The following NDEL1 variants were observed in gnomAD, a reference collection of about 807,000 sequenced individuals.
The protein encoded by NDEL1 is nudE neurodevelopment protein 1 like 1, also known as nuclear distribution protein nudE-like 1.
Under a neutral mutation model 45.7 loss-of-function variants are expected in NDEL1, and 9 were observed. That is an observed-to-expected ratio of 0.20 (90% CI 0.12 to 0.34). NDEL1 has a LOEUF of 0.34. Among genes scored for constraint, NDEL1 ranks in the 10% least tolerant of loss-of-function variants. NDEL1 has a pLI of 1.00. For synonymous variants in NDEL1, 133 were observed against 158.6 expected, an observed-to-expected ratio of 0.84 and a Z score of 1.21; for missense variants, 306 against 406.2, an observed-to-expected ratio of 0.75 and a Z score of 2.12.
chr17:8,416,467 T>G (rs968840669), intron 1 of NDEL1, among the ~76,000 whole-genome samples: 2 of 152,202 alleles, frequency 1.3e-5, no homozygotes, highest in African/African-American at 4.8e-5. Context: ...TTGGAAATGA[T>G]TTTTTTCTCT....
chr17:8,449,390 A>G (rs548555102), intron 5 of NDEL1, among the ~76,000 whole-genome samples: 1 of 152,282 alleles, frequency 6.6e-6, no homozygotes, highest in South Asian at 2.1e-4. Context: ...CTGTCTCCCA[A>G]AATGTTGGGA....
chr17:8,473,176 A>G (rs1911929143), intron 3 of NDEL1, among the ~76,000 whole-genome samples: 1 of 151,958 alleles, frequency 6.6e-6, no homozygotes, highest in Non-Finnish European at 1.5e-5. Flanking sequence ...TAGATCAGCC[A>G]GTAGGGAAGA....
downstream of NDEL1, among the ~76,000 whole-genome samples, chr17:8,471,900 C>G (rs1252295866): frequency 6.6e-6 from 1 of 152,154 alleles, no homozygotes; most frequent in Non-Finnish European, 1.5e-5. Flanking sequence ...GATGTTGTCC[C>G]CGAAAGGTGG....
chr17:8,463,405 G>C (rs368969870), intron 8 of NDEL1: 1 of 1,569,896 alleles, frequency 6.4e-7, no homozygotes, highest in African/African-American at 1.4e-5. Context: ...TAATCCTGGT[G>C]TGTGGTGGAA....
At chr17:8,450,755 T>C in intron 5 of NDEL1, 25 bp from the exon 6 acceptor site, 2 of 1,595,298 alleles carry the variant, frequency 1.3e-6, no homozygotes, top group Non-Finnish European at 1.7e-6. Context: ...TGAGTATTCC[T>C]GCCCTTGTTT....
chr17:8,417,429 T>C (rs1908570986), intron 1 of NDEL1, among the ~76,000 whole-genome samples: 1 of 152,252 alleles, frequency 6.6e-6, no homozygotes, highest in Admixed American at 6.5e-5. Context: ...ATTTCTTTTA[T>C]GCTATTTTGT....
intron 1 of NDEL1, 171 bp from the exon 2 acceptor site, chr17:8,444,089 G>C: frequency 1.9e-6 from 1 of 531,284 alleles, no homozygotes; most frequent in Non-Finnish European, 3.3e-6. Context: ...GTCCCTGAGA[G>C]TGGAGCAGTG....
At chr17:8,439,004 C>G (rs1382220926) in intron 1 of NDEL1, among the ~76,000 whole-genome samples, 1 of 149,542 alleles carries the variant, frequency 6.7e-6, no homozygotes, top group Non-Finnish European at 1.5e-5. Context: ...TGCGGTCGCG[C>G]GCTCTCGGCT....
At chr17:8,430,615 T>G (rs1908977124) in intron 1 of NDEL1, among the ~76,000 whole-genome samples, 1 of 152,148 alleles carries the variant, frequency 6.6e-6, no homozygotes, top group African/African-American at 2.4e-5. Flanking sequence ...TCATGCATGC[T>G]CTCAGGGACT....
intron 1 of NDEL1, among the ~76,000 whole-genome samples, chr17:8,442,740 TC>T (rs1182921244): frequency 6.7e-6 from 1 of 148,878 alleles, no homozygotes; most frequent in Non-Finnish European, 1.5e-5. Context: ...CTAGATAAAC[TC>T]CAAGTTCTAT....
chr17:8,446,505 G>A (rs907894564), intron 3 of NDEL1, among the ~76,000 whole-genome samples: 1 of 152,304 alleles, frequency 6.6e-6, no homozygotes, highest in South Asian at 2.1e-4. Context: ...TTGAGGCAAG[G>A]ATTTTTTATA....
chr17:8,432,351 TAA>T (rs372723928), upstream of NDEL1, among the ~76,000 whole-genome samples: 72,089 of 121,290 alleles, frequency 0.59, 24,993 homozygotes, highest in Admixed American at 0.71. Flanking sequence ...TATATAAATA[TAA>T]ATATAAATAT....
chr17:8,470,753 TC>T (rs1298657390), downstream of NDEL1, among the ~76,000 whole-genome samples: 1 of 152,214 alleles, frequency 6.6e-6, no homozygotes, highest in Non-Finnish European at 1.5e-5. The surrounding 1 kb of genome is among the most constrained non-coding windows in gnomAD (Gnocchi z 4.2). Context: ...CCACGCTCTG[TC>T]CTGTGCCTTG....
Position 8,435,893 on chromosome 17 carries a change from C to A in NDEL1, c.-165C>A, listed in dbSNP as rs762701865. The A allele has an allele frequency of 3.6e-5, 16 of 447,548 alleles. 1 individual carries two copies. Among genetic ancestry groups the A allele is most frequent in the South Asian group, 2.3e-4 (15 of 64,222 alleles). The allele number at this position is 447,548 out of a possible 1,614,324, so 27.7% of individuals were successfully genotyped here. On this transcript the variant is annotated 5_prime_UTR_variant, in exon 1 of 9. Transcript: ENST00000334527. ...CCTCGGACACCCAGGCAGTCCCTGACGTGTCGGGGAGGAGCCGGGCGCGGA... is the reference window on the plus strand; with the variant it reads ...CCTCGGACACCCAGGCAGTCCCTGAAGTGTCGGGGAGGAGCCGGGCGCGGA...
At chr17:8,471,770 T>A (rs1911838606), downstream of NDEL1, among the ~76,000 whole-genome samples, 1 of 152,236 alleles carries the variant, frequency 6.6e-6, no homozygotes. Context: ...CTTCACAATC[T>A]GCTTGATTCC....
intron 8 of NDEL1, chr17:8,463,280 T>G (rs752773963): frequency 1.3e-6 from 2 of 1,543,332 alleles, no homozygotes; most frequent in Non-Finnish European, 1.8e-6. Flanking sequence ...GGAAATAGTA[T>G]TCGTATTACT....
Position 8,435,939 on chromosome 17 carries a change from G to C in NDEL1, c.-119G>C, listed in dbSNP as rs1248023570. On this transcript the variant is annotated 5_prime_UTR_variant, in exon 1 of 9. Transcript: ENST00000334527. ...GCGGAGGTACGCTGAGTGGAGCTCGGGGCTGCGTAGGGGAGCTGAGCCGAG... is the reference window on the plus strand; with the variant it reads ...GCGGAGGTACGCTGAGTGGAGCTCGCGGCTGCGTAGGGGAGCTGAGCCGAG... 4.5e-6 allele frequency: 2 copies of C among 449,240 alleles called. No homozygotes were observed. The highest frequency in any genetic ancestry group is 1.6e-5 in the South Asian group (1 of 64,080). 27.8% of individuals were successfully genotyped at this position (449,240 alleles called of 1,614,324 possible). A position where few individuals can be genotyped will look rare whatever the true frequency, so the allele number is the denominator to read the frequency against.
At position 8,435,967 on chromosome 17, in the gene NDEL1, G is replaced by A; in HGVS notation, c.-91G>A. The A allele has an allele frequency of 2.2e-6, 1 of 446,662 alleles. No homozygotes were observed. The highest frequency in any genetic ancestry group is 1.6e-5 in the South Asian group (1 of 63,754). 27.7% of individuals were successfully genotyped at this position (446,662 alleles called of 1,614,324 possible). ...CTGCGTAGGGGAGCTGAGCCGAGCG[G>A]CTGGGCGGGCCTGGCCGGGCCGGCG... is the stretch of plus-strand genomic sequence containing the variant. On this transcript the variant is annotated 5_prime_UTR_variant, in exon 1 of 9. Transcript: ENST00000334527.
At chr17:8,446,398 G>A (rs1290715005) in intron 3 of NDEL1, among the ~76,000 whole-genome samples, 10 of 152,142 alleles carry the variant, frequency 6.6e-5, no homozygotes, top group African/African-American at 2.4e-4. Flanking sequence ...GGGAAGGTTG[G>A]ATGGGCAGGT....
Sources: allele counts gnomAD v4.1 joint callset (sites outside exome capture counted in the v4.1 genomes callset), GRCh38; gene constraint gnomAD v4.1.1; non-coding constraint Gnocchi (gnomAD v3.1); transcripts MANE v1.5; gene names NCBI Gene and HGNC (gene_info 2026-07-23, HGNC 2026-07-21).